The following NALF1 variants were observed in gnomAD, a reference collection of about 807,000 sequenced individuals.
NALF1 encodes the protein NALCN channel auxiliary factor 1, also known as family with sequence similarity 155 member A.
NALF1 carries 3 observed loss-of-function variants against 48.4 expected under a neutral mutation model. The ratio of observed to expected loss-of-function variants is 0.06; its 90% CI spans 0.03 to 0.16. The LOEUF (loss-of-function observed/expected upper bound fraction) is 0.16, where lower values mean the gene tolerates loss of function less well. NALF1 is among the 10% of genes least tolerant of loss of function. The probability of loss-of-function intolerance (pLI) is 1.00; values close to 1 mark genes in which losing one functional copy is unlikely to be tolerated. For synonymous variants in NALF1, 262 were observed against 245.7 expected, an observed-to-expected ratio of 1.07 and a Z score of -0.62; for missense variants, 526 against 571.5, an observed-to-expected ratio of 0.92 and a Z score of 0.81.
Position 107,299,568 on chromosome 13 carries a change from A to C in NALF1, c.916-88813T>G, listed in dbSNP as rs1452723598. On this transcript the variant is annotated intron_variant, in intron 1 of 2. Coordinates refer to ENST00000375915, the MANE Select transcript of NALF1 (RefSeq NM_001080396.3). The stretch of plus-strand genomic sequence containing the variant: ...TCGCTGGCTGATTTTCCAATTGATA[A>C]GTGGATCTTTCCTGCAGCAATTATC... Among the ~76,000 whole-genome samples, 7 of 151,566 alleles carry C rather than the reference A, an allele frequency of 4.6e-5. No homozygotes were observed. The East Asian group carries it at 1.4e-3, about 29-fold the overall frequency.
intron 1 of NALF1, among the ~76,000 whole-genome samples, chr13:107,795,984 C>G (rs1878410665): frequency 1.3e-5 from 2 of 152,196 alleles, no homozygotes; most frequent in African/African-American, 4.8e-5. Context: ...TACTACTAGG[C>G]TTAAGGGATC....
In NALF1 at chr13:107,189,080, G is replaced by A. The variant is rs1054094376; in HGVS notation, c.1088-18294C>T. ...AAAATCAAAGGCCCACATTAAAATG[G>A]CAAAGAAGTTAAACAGAGAATTTAC... On this transcript the variant is annotated intron_variant, in intron 2 of 2. Coordinates refer to ENST00000375915, the MANE Select transcript of NALF1 (RefSeq NM_001080396.3). Among the ~76,000 whole-genome samples the A allele has an allele frequency of 8.5e-5, 13 of 152,298 alleles. 1 individual carries two copies. Among genetic ancestry groups the A allele is most frequent in the South Asian group, 6.2e-4 (3 of 4,828 alleles).
At chr13:107,323,639 T>C (rs2138916244) in intron 1 of NALF1, among the ~76,000 whole-genome samples, 1 of 152,238 alleles carries the variant, frequency 6.6e-6, no homozygotes, top group East Asian at 1.9e-4. Flanking sequence ...AGCCTGCCTG[T>C]TTTCACAGCC....
chr13:107,686,620 T>C (rs999327518), intron 1 of NALF1, among the ~76,000 whole-genome samples: 2 of 152,042 alleles, frequency 1.3e-5, no homozygotes, highest in Non-Finnish European at 1.5e-5. Context: ...TCTTGATCTC[T>C]TGGAAAATAG....
intron 1 of NALF1, among the ~76,000 whole-genome samples, chr13:107,578,883 G>C (rs1482043645): frequency 6.6e-6 from 1 of 152,102 alleles, no homozygotes; most frequent in African/African-American, 2.4e-5. Flanking sequence ...ACCCTTTAGA[G>C]CCCCAAGCCA....
intron 2 of NALF1, among the ~76,000 whole-genome samples, chr13:107,192,299 A>T (rs1879299985): frequency 6.6e-6 from 1 of 152,196 alleles, no homozygotes; most frequent in Admixed American, 6.5e-5. Flanking sequence ...GATGAATAAC[A>T]TGCACTGACA....
intron 1 of NALF1, among the ~76,000 whole-genome samples, chr13:107,323,488 AC>A (rs1342700453): frequency 2.6e-5 from 4 of 152,120 alleles, no homozygotes; most frequent in African/African-American, 9.7e-5. Context: ...TGATGTTGCC[AC>A]CTCAAATTTT....
At chr13:107,597,880 A>T (rs1409143811) in intron 1 of NALF1, among the ~76,000 whole-genome samples, 3 of 152,194 alleles carry the variant, frequency 2.0e-5, no homozygotes, top group Non-Finnish European at 4.4e-5. Flanking sequence ...ATTACTACTT[A>T]AACCAAATTT....
intron 1 of NALF1, among the ~76,000 whole-genome samples, chr13:107,246,578 C>A (rs897394957): frequency 6.6e-6 from 1 of 152,196 alleles, no homozygotes; most frequent in Non-Finnish European, 1.5e-5. Flanking sequence ...CTCAAAGATG[C>A]AGTTCAATCC....
intron 1 of NALF1, among the ~76,000 whole-genome samples, chr13:107,457,038 G>C (rs1884835486): frequency 6.6e-6 from 1 of 152,120 alleles, no homozygotes; most frequent in African/African-American, 2.4e-5. Context: ...TAAGGCCACA[G>C]TTAGAACACT....
chr13:107,718,610 G>A (rs1875891452), intron 1 of NALF1, among the ~76,000 whole-genome samples: 1 of 152,166 alleles, frequency 6.6e-6, no homozygotes, highest in Non-Finnish European at 1.5e-5. Flanking sequence ...CAAACAAAGA[G>A]TTGTGTGAAA....
At chr13:107,332,362 A>G (rs1434169776) in intron 1 of NALF1, among the ~76,000 whole-genome samples, 1 of 151,906 alleles carries the variant, frequency 6.6e-6, no homozygotes, top group Non-Finnish European at 1.5e-5. Context: ...AAACGGTGAG[A>G]AAAAAAATCT....
chr13:107,191,833 A>ATTTTTTT (rs66566638), intron 2 of NALF1, among the ~76,000 whole-genome samples: 23 of 112,224 alleles, frequency 2.0e-4, no homozygotes, highest in African/African-American at 2.8e-4. Flanking sequence ...CACTATGCCT[A>ATTTTTTT]TTTTTTTTTT....
chr13:107,519,844 T>C (rs1876179248), intron 1 of NALF1, among the ~76,000 whole-genome samples: 1 of 152,166 alleles, frequency 6.6e-6, no homozygotes, highest in Admixed American at 6.5e-5. Flanking sequence ...TCAGGTATTA[T>C]TCAGTTAGAA....
intron 1 of NALF1, among the ~76,000 whole-genome samples, chr13:107,408,356 C>T (rs1404963777): frequency 2.0e-5 from 3 of 151,928 alleles, no homozygotes; most frequent in Non-Finnish European, 2.9e-5. Context: ...GATTATTACG[C>T]GTTGCATGCT....
chr13:107,736,789 A>T (rs1876479864), intron 1 of NALF1, among the ~76,000 whole-genome samples: 1 of 152,252 alleles, frequency 6.6e-6, no homozygotes, highest in African/African-American at 2.4e-5. Context: ...AGGCACTGAT[A>T]GATGAGAAAA....
At chr13:107,371,939 C>T (rs912498049) in intron 1 of NALF1, among the ~76,000 whole-genome samples, 6 of 152,294 alleles carry the variant, frequency 3.9e-5, no homozygotes, top group South Asian at 2.1e-4. Context: ...ATCCCAGAAT[C>T]GTATATACAT....
intron 1 of NALF1, among the ~76,000 whole-genome samples, chr13:107,287,045 G>A (rs1223357179): frequency 6.6e-6 from 1 of 152,206 alleles, no homozygotes; most frequent in Non-Finnish European, 1.5e-5. Context: ...GTTAATTTTA[G>A]GGTAGGTGAG....
chr13:107,772,771 G>A (rs980092491), intron 1 of NALF1, among the ~76,000 whole-genome samples: 4 of 152,086 alleles, frequency 2.6e-5, no homozygotes, highest in Non-Finnish European at 5.9e-5. Flanking sequence ...TAAAAGCTCT[G>A]AGAAGCTTAG....
Sources: gnomAD v4.1 joint callset for allele counts (sites outside exome capture counted in the v4.1 genomes callset) on GRCh38, gnomAD v4.1.1 for gene constraint, MANE v1.5 for transcripts, NCBI Gene and HGNC (gene_info 2026-07-23, HGNC 2026-07-21) for gene names.